CCDC57: variants seen among roughly 807,000 people sequenced by gnomAD.
CCDC57 encodes the protein coiled-coil domain containing 57.
A neutral mutation model predicts 118.9 loss-of-function variants in CCDC57; 118 were observed. That is an observed-to-expected ratio of 0.99 (90% CI 0.86 to 1.16). The LOEUF (loss-of-function observed/expected upper bound fraction) is 1.16. CCDC57 is among the 50% of genes most tolerant of loss of function. The pLI, the probability that CCDC57 is intolerant of heterozygous loss-of-function variation, is 0.00. For missense variants in CCDC57, 1,300 were observed against 1,320.7 expected (o/e 0.98, Z 0.24); for synonymous variants, 527 against 532.9 (o/e 0.99, Z 0.15).
Position 82,183,778 on chromosome 17 carries a change from C to T in CCDC57, c.1207G>A (p.Glu403Lys), listed in dbSNP as rs778965621. 4.5e-6 allele frequency: 7 copies of T among 1,557,156 alleles called. No homozygotes were observed. In the East Asian group the frequency reaches 1.7e-4, roughly 37 times the overall value. Residue 403 changes from glutamate to lysine, a missense_variant, in exon 9 of 20, where the codon GAA (glutamate) becomes AAA (lysine). Physicochemically the swap from Glu to Lys is moderately conservative, Grantham distance 56. Coordinates refer to ENST00000665763, the Ensembl canonical transcript of CCDC57. ...CATCTGCCTGGGGACAGTTACCTTT[C>T]AATGTCCTGCTGGGATCGGGCCACC... is the stretch of plus-strand genomic sequence containing the variant.
intron 19 of CCDC57, among the ~76,000 whole-genome samples, chr17:82,119,945 C>G (rs562708750): frequency 1.1e-4 from 16 of 152,134 alleles, no homozygotes; most frequent in Non-Finnish European, 2.4e-4. Context: ...TTGGCCGTGC[C>G]CTGGGACGGG....
intron 15 of CCDC57, chr17:82,157,434 C>T (rs2145962962): frequency 7.5e-7 from 1 of 1,332,634 alleles, no homozygotes; most frequent in East Asian, 3.0e-5. Context: ...CAAACATGAG[C>T]CACCTTCAGT....
chr17:82,120,848 C>G (rs76418287), intron 19 of CCDC57, among the ~76,000 whole-genome samples: 1 of 152,058 alleles, frequency 6.6e-6, no homozygotes, highest in South Asian at 2.1e-4. Flanking sequence ...CTCCGCCTCT[C>G]GGGTTCACAG....
At chr17:82,151,484 G>A in intron 16 of CCDC57, 76 bp downstream of exon 15, 2 of 1,392,108 alleles carry the variant, frequency 1.4e-6, no homozygotes, top group South Asian at 2.6e-5. Flanking sequence ...TCCAGAACCT[G>A]GCGCACACCC....
At chr17:82,121,879 C>G (rs1232155115) in intron 19 of CCDC57, among the ~76,000 whole-genome samples, 1 of 152,228 alleles carries the variant, frequency 6.6e-6, no homozygotes, top group Non-Finnish European at 1.5e-5. Context: ...ACGTCACTTT[C>G]ATATCCTGTC....
At position 82,116,000 on chromosome 17, in the gene CCDC57, T is replaced by C. The variant is rs374258762; in HGVS notation, c.2899+11692A>G. ...TTTTAGTAGAGATGGGGTTTCACCATCTTGGCCAGGCTGGTCTTGAACTCC... is the reference window on the plus strand; with the variant it reads ...TTTTAGTAGAGATGGGGTTTCACCACCTTGGCCAGGCTGGTCTTGAACTCC... On this transcript the variant is annotated intron_variant, in intron 19 of 19. Coordinates refer to ENST00000665763, the Ensembl canonical transcript of CCDC57. Among the ~76,000 whole-genome samples the C allele has an allele frequency of 6.6e-5, 10 of 151,090 alleles. No homozygotes were observed. The East Asian group carries it at 2.0e-3, about 30-fold the overall frequency.
At chr17:82,158,209 A>G (rs2042901883) in intron 14 of CCDC57, among the ~76,000 whole-genome samples, 2 of 152,188 alleles carry the variant, frequency 1.3e-5, no homozygotes, top group African/African-American at 2.4e-5. Context: ...GAATCCGTGC[A>G]TGGACTGAGG....
chr17:82,175,702 GGAA>G (rs778476229), intron 11 of CCDC57: 11 of 152,280 alleles, frequency 7.2e-5, no homozygotes, highest in Non-Finnish European at 1.5e-4. Context: ...TGACCACCTC[GGAA>G]CACGTCGTCA....
chr17:82,200,059 T>C (rs1007118060), intron 3 of CCDC57, among the ~76,000 whole-genome samples: 1 of 152,158 alleles, frequency 6.6e-6, no homozygotes, highest in Non-Finnish European at 1.5e-5. Context: ...ACAATACTGG[T>C]TGGGGCTTCT....
At chr17:82,107,275 GA>G in intron 19 of CCDC57, 1 of 386,744 alleles carries the variant, frequency 2.6e-6, no homozygotes, top group Non-Finnish European at 5.3e-6. Flanking sequence ...GTTCCCCTGG[GA>G]AAAGAGGCAA....
At chr17:82,143,053 A>G (rs1158154087) in intron 16 of CCDC57, among the ~76,000 whole-genome samples, 1 of 151,942 alleles carries the variant, frequency 6.6e-6, no homozygotes, top group Non-Finnish European at 1.5e-5. Context: ...AGTCTCAGCT[A>G]CTCAAGGCCG....
intron 8 of CCDC57, among the ~76,000 whole-genome samples, chr17:82,185,540 G>A (rs2046821666): frequency 6.6e-6 from 1 of 151,888 alleles, no homozygotes; most frequent in South Asian, 2.1e-4. Context: ...GATCACCTGA[G>A]CCCAGGAGGT....
At position 82,134,117 on chromosome 17, in the gene CCDC57, G is replaced by T. The variant is rs1280537904; in HGVS notation, c.2533C>A (p.Arg845Ser). Reference sequence around the variant, plus strand: ...TGCACCTGTCCCAAAGGTGGGCTGCGATCCAAAGGCCTCCTGGGCTCCTCG... The same window carrying T: ...TGCACCTGTCCCAAAGGTGGGCTGCTATCCAAAGGCCTCCTGGGCTCCTCG... Residue 845 changes from arginine to serine, a missense_variant, in exon 17 of 20, where the codon CGC becomes AGC. Physicochemically the swap from Arg to Ser is moderately radical, Grantham distance 110 (BLOSUM62 -1). Coordinates refer to ENST00000665763, the Ensembl canonical transcript of CCDC57. 2.8e-6 allele frequency: 4 copies of T among 1,416,968 alleles called. No homozygotes were observed. In the South Asian group the frequency reaches 4.7e-5, roughly 17 times the overall value. 87.8% of individuals were successfully genotyped at this position (1,416,968 alleles called of 1,614,324 possible).
At chr17:82,209,058 C>A (rs886572086) in intron 1 of CCDC57, among the ~76,000 whole-genome samples, 2 of 152,076 alleles carry the variant, frequency 1.3e-5, no homozygotes, top group African/African-American at 4.8e-5. Flanking sequence ...GTCCAGGGGA[C>A]AAAAATTATG....
chr17:82,209,215 C>A (rs536095136), intron 1 of CCDC57, among the ~76,000 whole-genome samples: 2 of 152,012 alleles, frequency 1.3e-5, no homozygotes, highest in Admixed American at 1.3e-4. Context: ...ACCACTACCA[C>A]GAAGGAACAT....
intron 16 of CCDC57, 99 bp downstream of exon 15, chr17:82,151,461 A>C: frequency 9.1e-7 from 1 of 1,094,400 alleles, no homozygotes; most frequent in Non-Finnish European, 1.3e-6. Context: ...GCACCCCCAG[A>C]ATCTGACCCA....
intron 19 of CCDC57, among the ~76,000 whole-genome samples, chr17:82,117,797 G>T (rs926331975): frequency 1.3e-5 from 2 of 151,822 alleles, no homozygotes; most frequent in Admixed American, 1.3e-4. Context: ...ACTGAGTGAG[G>T]AAAGGTGCCT....
chr17:82,151,744 G>C lies in CCDC57; in HGVS notation c.2271C>G (p.Ala757=), dbSNP rs569085318. The C allele has an allele frequency of 9.7e-5, 151 of 1,550,192 alleles. No individual in the cohort carries two copies. The African/African-American group carries it at 1.7e-3, about 17-fold the overall frequency. ...GCAGGAAAAGCTCCCCCTGGTCCTC[G>C]GCCTCCATAGGCCCTCTCTTGGTGA... is the stretch of plus-strand genomic sequence containing the variant. Residue 757 remains alanine (A), a synonymous_variant, in exon 16 of 20, where the codon GCC becomes GCG. Coordinates refer to ENST00000665763, the Ensembl canonical transcript of CCDC57.
chr17:82,145,074 G>C (rs1745394280), intron 16 of CCDC57, among the ~76,000 whole-genome samples: 1 of 145,990 alleles, frequency 6.8e-6, no homozygotes, highest in Non-Finnish European at 1.5e-5. Flanking sequence ...CCAGGCTGGA[G>C]TGCAGTGGCT....
Sources: allele counts gnomAD v4.1 joint callset (sites outside exome capture counted in the v4.1 genomes callset), GRCh38; gene constraint gnomAD v4.1.1; transcripts MANE v1.5; gene names NCBI Gene and HGNC (gene_info 2026-07-23, HGNC 2026-07-21).